Variants in LORICRIN observed in about 807,000 individuals in gnomAD.
LORICRIN encodes the protein loricrin cornified envelope precursor protein.
A neutral mutation model predicts 3.3 loss-of-function variants in LORICRIN; 5 were observed. The observed-to-expected ratio is 1.52, with a 90% CI of 0.79 to 3.19. The LOEUF is 3.19. Among genes scored for constraint, LORICRIN ranks in the 30% most tolerant of loss-of-function variants. The probability of loss-of-function intolerance (pLI) is 0.00; values close to 1 mark genes in which losing one functional copy is unlikely to be tolerated. For missense variants in LORICRIN, 524 were observed against 460.2 expected (o/e 1.14, Z -1.27); for synonymous variants, 237 against 231.4 (o/e 1.02, Z -0.22).
In LORICRIN at chr1:153,262,000, C is replaced by A. The variant is rs1361321692; in HGVS notation, c.*112C>A. 8.5e-7 allele frequency: 1 copy of A among 1,173,824 alleles called. No homozygotes were observed. The highest frequency in any genetic ancestry group is 2.0e-5 in the Admixed American group (1 of 50,448). The allele number at this position is 1,173,824 out of a possible 1,614,324, so 72.7% of individuals were successfully genotyped here. ...GGTTTGCAAATCCTTCATGTCTTAA[C>A]CTACCTGGAAGAAGCCATTGAGCTC... On this transcript the variant is annotated 3_prime_UTR_variant, in exon 2 of 2. Coordinates refer to ENST00000368742, the MANE Select transcript of LORICRIN (RefSeq NM_000427.3).
chr1:153,261,833 T>C lies in LORICRIN; in HGVS notation c.884T>C (p.Val295Ala). Residue 295 changes from valine to alanine, a missense_variant, in exon 2 of 2, where the codon GTC becomes GCC. By Grantham distance (64) the Val-to-Ala change is moderately conservative. Coordinates refer to ENST00000368742, the MANE Select transcript of LORICRIN (RefSeq NM_000427.3). ...SVGGSGSGKG[V>A]PICHQTQQKQ... ...GGTGGCTCCGGGAGTGGCAAGGGCG[T>C]CCCGATCTGCCACCAGACCCAGCAG... is the stretch of plus-strand genomic sequence containing the variant. 1 of 1,611,032 alleles carries C rather than the reference T, an allele frequency of 6.2e-7. No homozygotes were observed. The highest frequency in any genetic ancestry group is 1.1e-5 in the South Asian group (1 of 90,726).
Position 153,261,614 on chromosome 1 carries a change from A to G in LORICRIN, c.665A>G (p.Gln222Arg). 6.7e-7 allele frequency: 1 copy of G among 1,486,036 alleles called. No individual in the cohort carries two copies. Among genetic ancestry groups the G allele is most frequent in the East Asian group, 2.7e-5 (1 of 37,354 alleles). 92.1% of individuals were successfully genotyped at this position (1,486,036 alleles called of 1,614,324 possible). ...GTCACTCAGACCTCGTGCGCGCCCC[A>G]GCCGAGTTACGGAGGGGGGTCGTCC... is the stretch of plus-strand genomic sequence containing the variant. ...QQVTQTSCAP[Q>R]PSYGGGSSGG... is the part of the protein sequence containing the mutation. Residue 222 changes from glutamine to arginine, a missense_variant, in exon 2 of 2, where the codon CAG (glutamine) becomes CGG (arginine). Physicochemically the swap from Gln to Arg is conservative, Grantham distance 43. Coordinates refer to ENST00000368742, the MANE Select transcript of LORICRIN (RefSeq NM_000427.3).
chr1:153,260,445 G>C (rs1388487672), intron 1 of LORICRIN, among the ~76,000 whole-genome samples: 1 of 152,176 alleles, frequency 6.6e-6, no homozygotes, highest in Non-Finnish European at 1.5e-5. Context: ...GCAGAGGATG[G>C]AGTGCAACAG....
chr1:153,260,706 T>C (rs1191505483), intron 1 of LORICRIN, among the ~76,000 whole-genome samples: 3 of 152,122 alleles, frequency 2.0e-5, no homozygotes, highest in Non-Finnish European at 2.9e-5. Flanking sequence ...GGAGAAAGAA[T>C]GGGCACTGCT....
Position 153,261,609 on chromosome 1 carries a change from G to C in LORICRIN, c.660G>C (p.Ala220=), listed in dbSNP as rs1346928350. 1 of 1,512,094 alleles carries C rather than the reference G, an allele frequency of 6.6e-7. No homozygotes were observed. The highest frequency in any genetic ancestry group is 1.2e-5 in the South Asian group (1 of 82,310). 93.7% of individuals were successfully genotyped at this position (1,512,094 alleles called of 1,614,324 possible). ...AGCAGGTCACTCAGACCTCGTGCGCGCCCCAGCCGAGTTACGGAGGGGGGT... is the reference window on the plus strand; with the variant it reads ...AGCAGGTCACTCAGACCTCGTGCGCCCCCCAGCCGAGTTACGGAGGGGGGT... ...SSQQVTQTSC[A]PQPSYGGGSS... Residue 220 remains alanine, a synonymous_variant, in exon 2 of 2, where the codon GCG becomes GCC. Transcript: ENST00000368742.
At position 153,261,772 on chromosome 1, in the gene LORICRIN, G is replaced by A; in HGVS notation, c.823G>A (p.Gly275Ser). The A allele has an allele frequency of 6.3e-7, 1 of 1,596,496 alleles. No individual in the cohort carries two copies. The change falls in exon 2 of 2, where the codon GGT becomes AGT. Residue 275 changes from glycine (G) to serine (S), a missense_variant. Physicochemically the swap from Gly to Ser is moderately conservative, Grantham distance 56. Transcript: ENST00000368742. ...ISGGGSVCGG[G>S]SSGGGGGGSS... ...TGGCGGGGGCTCCGTCTGCGGAGGT[G>A]GTTCCTCTGGAGGCGGCGGCGGCGG...
At position 153,261,016 on chromosome 1, in the gene LORICRIN, G is replaced by A. The variant is rs1278069515; in HGVS notation, c.67G>A (p.Gly23Ser). The stretch of plus-strand genomic sequence containing the variant: ...GGACTGCGTGAAGACCTCTGGCGGC[G>A]GTGGCGGTGGCGGCGGCAGCGGCGG... ...PVDCVKTSGG[G>S]GGGGGSGGGG... Residue 23 changes from glycine to serine, a missense_variant, in exon 2 of 2, where the codon GGT becomes AGT. Gly to Ser is a moderately conservative substitution (Grantham distance 56, BLOSUM62 0). Coordinates refer to ENST00000368742, the MANE Select transcript of LORICRIN (RefSeq NM_000427.3). 13 of 1,568,408 alleles carry A rather than the reference G, an allele frequency of 8.3e-6. No individual in the cohort carries two copies. The highest frequency in any genetic ancestry group is 1.1e-5 in the Non-Finnish European group (13 of 1,154,528).
chr1:153,261,871 A>C lies in LORICRIN; in HGVS notation c.922A>C (p.Thr308Pro), dbSNP rs757578568. The C allele has an allele frequency of 1.4e-4, 227 of 1,611,356 alleles. No homozygotes were observed. The highest frequency in any genetic ancestry group is 1.9e-4 in the Non-Finnish European group (221 of 1,179,460). Residue 308 changes from threonine to proline, a missense_variant, in exon 2 of 2, where the codon ACC becomes CCC. Physicochemically the swap from Thr to Pro is conservative, Grantham distance 38. Transcript: ENST00000368742. ...CCAGACCCAGCAGAAGCAGGCGCCT[A>C]CCTGGCCGTCCAAATAGATCCCCCA... ...CHQTQQKQAP[T>P]WPSK is the part of the protein sequence containing the mutation.
At position 153,261,628 on chromosome 1, in the gene LORICRIN, G is replaced by T. The variant is rs1353397342; in HGVS notation, c.679G>T (p.Gly227Trp). 1.3e-6 allele frequency: 2 copies of T among 1,513,938 alleles called. No homozygotes were observed. The highest frequency in any genetic ancestry group is 4.1e-5 in the Admixed American group (2 of 48,862). 93.8% of individuals were successfully genotyped at this position (1,513,938 alleles called of 1,614,324 possible). ...TSCAPQPSYG[G>W]GSSGGGGSGG... ...GTGCGCGCCCCAGCCGAGTTACGGA[G>T]GGGGGTCGTCCGGCGGCGGCGGCAG... Residue 227 changes from glycine (G) to tryptophan (W), a missense_variant, in exon 2 of 2, where the codon GGG (glycine) becomes TGG (tryptophan). Coordinates refer to ENST00000368742, the MANE Select transcript of LORICRIN (RefSeq NM_000427.3).
intron 1 of LORICRIN, among the ~76,000 whole-genome samples, 192 bp from the exon 2 acceptor site, chr1:153,260,735 A>G (rs1220367349): frequency 2.0e-5 from 3 of 152,350 alleles, no homozygotes; most frequent in Non-Finnish European, 1.5e-5. Flanking sequence ...TGTTTAAAGC[A>G]TAATGAAGGC....
rs1250737597 is a variant in LORICRIN at position 153,261,084 on chromosome 1, T to C, written c.135T>C (p.Gly45=). 6.9e-7 allele frequency: 1 copy of C among 1,448,484 alleles called. No individual in the cohort carries two copies. Among genetic ancestry groups the C allele is most frequent in the Non-Finnish European group, 9.1e-7 (1 of 1,096,260 alleles). 89.7% of individuals were successfully genotyped at this position (1,448,484 alleles called of 1,614,324 possible). ...GFFGGGGSGG[G]SSGSGCGYSG... is the part of the protein sequence containing the mutation. ...TCGGCGGCGGCGGCTCAGGGGGCGGTAGCAGCGGTTCTGGCTGCGGCTACT... is the reference window on the plus strand; with the variant it reads ...TCGGCGGCGGCGGCTCAGGGGGCGGCAGCAGCGGTTCTGGCTGCGGCTACT... Residue 45 remains glycine (G), a synonymous_variant, in exon 2 of 2, where the codon GGT becomes GGC. Coordinates refer to ENST00000368742, the MANE Select transcript of LORICRIN (RefSeq NM_000427.3).
chr1:153,260,961 GA>G lies in LORICRIN; in HGVS notation c.17del (p.Lys6SerfsTer12). 4 of 1,598,244 alleles carry G rather than the reference GA, an allele frequency of 2.5e-6. No homozygotes were observed. The highest frequency in any genetic ancestry group is 2.3e-5 in the East Asian group (1 of 43,212). On this transcript the variant is annotated frameshift_variant, in exon 2 of 2. Coordinates refer to ENST00000368742, the MANE Select transcript of LORICRIN (RefSeq NM_000427.3). LOFTEE classifies it low-confidence loss of function (END_TRUNC). MSYQ[K>X]KQPTPQPPVD... is the part of the protein sequence containing the mutation. ...CCTTCTCAGACAAGATGTCTTATCA[GA>G]AAAAGCAGCCCACCCCTCAGCCCCC...
chr1:153,260,313 CA>C (rs1658733884), intron 1 of LORICRIN, among the ~76,000 whole-genome samples: 1 of 152,138 alleles, frequency 6.6e-6, no homozygotes, highest in Non-Finnish European at 1.5e-5. Flanking sequence ...TCCAAAGGAC[CA>C]CCAGGGTCCT....
Position 153,261,283 on chromosome 1 carries a change from G to C in LORICRIN, c.334G>C (p.Gly112Arg). Residue 112 changes from glycine to arginine, a missense_variant, in exon 2 of 2, where the codon GGC becomes CGC. By Grantham distance (125) the Gly-to-Arg change is moderately radical. Transcript: ENST00000368742. Reference sequence around the variant, plus strand: ...TTTCTCCAGCGGTGGGGGCGGCTCCGGCTGCTTCTCCTCCGGTGGCGGCGG... The same window carrying C: ...TTTCTCCAGCGGTGGGGGCGGCTCCCGCTGCTTCTCCTCCGGTGGCGGCGG... ...GCFSSGGGGS[G>R]CFSSGGGGSS... The C allele has an allele frequency of 1.4e-6, 2 of 1,422,314 alleles. No individual in the cohort carries two copies. Among genetic ancestry groups the C allele is most frequent in the East Asian group, 3.0e-5 (1 of 33,816 alleles). The allele number at this position is 1,422,314 out of a possible 1,614,324, so 88.1% of individuals were successfully genotyped here.
Position 153,261,110 on chromosome 1 carries a change from C to G in LORICRIN, c.161C>G (p.Ser54Cys). ...AGCAGCGGTTCTGGCTGCGGCTACT[C>G]CGGCGGCGGTGGCTACTCTGGCGGC... ...GGSSGSGCGY[S>C]GGGGYSGGGC... The change falls in exon 2 of 2, where the codon TCC becomes TGC. Residue 54 changes from serine to cysteine, a missense_variant. By Grantham distance (112) the Ser-to-Cys change is moderately radical. Coordinates refer to ENST00000368742, the MANE Select transcript of LORICRIN (RefSeq NM_000427.3). 4 of 1,387,304 alleles carry G rather than the reference C, an allele frequency of 2.9e-6. No homozygotes were observed. Among genetic ancestry groups the G allele is most frequent in the Non-Finnish European group, 3.7e-6 (4 of 1,073,600 alleles). 85.9% of individuals were successfully genotyped at this position (1,387,304 alleles called of 1,614,324 possible).
rs780534181 is a variant in LORICRIN at position 153,261,698 on chromosome 1, C to G, written c.749C>G (p.Ser250Cys). 1.6e-5 allele frequency: 24 copies of G among 1,505,794 alleles called. No homozygotes were observed. Among genetic ancestry groups the G allele is most frequent in the Middle Eastern group, 2.3e-4 (1 of 4,398 alleles). The allele number at this position is 1,505,794 out of a possible 1,614,324, so 93.3% of individuals were successfully genotyped here. The change falls in exon 2 of 2, where the codon TCC becomes TGC. Residue 250 changes from serine (S) to cysteine (C), a missense_variant. By Grantham distance (112) the Ser-to-Cys change is moderately radical. Transcript: ENST00000368742. ...TCCAGCGGCGGGGGCGGCGGGAGCT[C>G]CGGCTGCGGCGGCGGCTCCTCCGGG... ...CFSSGGGGGS[S>C]GCGGGSSGIG...
Position 153,261,004 on chromosome 1 carries a change from A to C in LORICRIN, c.55A>C (p.Thr19Pro). 1 of 1,558,596 alleles carries C rather than the reference A, an allele frequency of 6.4e-7. No individual in the cohort carries two copies. Among genetic ancestry groups the C allele is most frequent in the Non-Finnish European group, 8.7e-7 (1 of 1,147,076 alleles). Residue 19 changes from threonine to proline, a missense_variant, in exon 2 of 2, where the codon ACC becomes CCC. Thr to Pro is a conservative substitution (Grantham distance 38). Transcript: ENST00000368742. ...TCAGCCCCCAGTGGACTGCGTGAAG[A>C]CCTCTGGCGGCGGTGGCGGTGGCGG... ...TPQPPVDCVKTSGGGGGGGGS... is the reference protein window; with the variant it reads ...TPQPPVDCVKPSGGGGGGGGS...
rs1448872093 is a variant in LORICRIN at position 153,260,973 on chromosome 1, C to G, written c.24C>G (p.Pro8=). ...AGATGTCTTATCAGAAAAAGCAGCCCACCCCTCAGCCCCCAGTGGACTGCG... is the reference window on the plus strand; with the variant it reads ...AGATGTCTTATCAGAAAAAGCAGCCGACCCCTCAGCCCCCAGTGGACTGCG... MSYQKKQ[P]TPQPPVDCVK... The change falls in exon 2 of 2, where the codon CCC becomes CCG. Residue 8 remains proline (P), a synonymous_variant. Transcript: ENST00000368742. The G allele has an allele frequency of 6.3e-7, 1 of 1,597,874 alleles. No individual in the cohort carries two copies. The highest frequency in any genetic ancestry group is 1.7e-5 in the Admixed American group (1 of 58,276).
In LORICRIN at chr1:153,262,086, C is replaced by T. The variant is rs535750667; in HGVS notation, c.*198C>T. On this transcript the variant is annotated 3_prime_UTR_variant, in exon 2 of 2. Transcript: ENST00000368742. ...GGTTTCTGTACAACTACCTCCCAAC[C>T]CCAGTGCCTCAGTCAATAAATTTGC... The T allele has an allele frequency of 2.3e-5, 15 of 647,772 alleles. No individual in the cohort carries two copies. Among genetic ancestry groups the T allele is most frequent in the African/African-American group, 1.7e-4 (9 of 54,440 alleles). The allele number at this position is 647,772 out of a possible 1,614,324, so 40.1% of individuals were successfully genotyped here.
Sources: gnomAD v4.1 joint callset for allele counts (sites outside exome capture counted in the v4.1 genomes callset) on GRCh38, gnomAD v4.1.1 for gene constraint, MANE v1.5 for transcripts, NCBI Gene and HGNC (gene_info 2026-07-23, HGNC 2026-07-21) for gene names.